NBAS: variants seen among roughly 807,000 people sequenced by gnomAD.
NBAS encodes the protein NBAS subunit of NRZ tethering complex, also known as NAG/BC035112 fusion.
Under a neutral mutation model 302.5 loss-of-function variants are expected in NBAS, and 219 were observed. That is an observed-to-expected ratio of 0.72 (90% CI 0.65 to 0.81). The LOEUF (loss-of-function observed/expected upper bound fraction) is 0.81. NBAS is among the 30% of genes least tolerant of loss of function. The pLI is 0.00. For missense variants in NBAS, 2,932 were observed against 2,841.6 expected, an observed-to-expected ratio of 1.03 and a Z score of -0.72; for synonymous variants, 1,118 against 1,021.6, an observed-to-expected ratio of 1.09 and a Z score of -1.80.
At chr2:15,224,766 T>C (rs540523512) in intron 47 of NBAS, among the ~76,000 whole-genome samples, 18 of 152,264 alleles carry the variant, frequency 1.2e-4, no homozygotes, top group African/African-American at 2.9e-4. Context: ...GGGAGGGGTA[T>C]ATACAAGCGA....
chr2:14,915,452 C>T, the NBAS span, among the ~76,000 whole-genome samples: 1 of 152,176 alleles, frequency 6.6e-6, no homozygotes, highest in East Asian at 1.9e-4. Flanking sequence ...CTTGTAGCTC[C>T]CATAATTCTC....
chr2:15,310,746 C>T lies in NBAS; in HGVS notation c.4583-1499G>A, dbSNP rs532536851. The stretch of plus-strand genomic sequence containing the variant: ...CCTCACCCATGCCTTCTCCTGGCTC[C>T]TTCTGCCTCTAAACCACCAGGATGC... On this transcript the variant is annotated intron_variant, in intron 38 of 51. Transcript: ENST00000281513. Among the ~76,000 whole-genome samples, 10 of 152,318 alleles carry T rather than the reference C, an allele frequency of 6.6e-5. 1 individual carries two copies. The South Asian group carries it at 1.9e-3, about 28-fold the overall frequency.
chr2:14,784,926 C>T, the NBAS span, among the ~76,000 whole-genome samples: 13 of 152,166 alleles, frequency 8.5e-5, no homozygotes, highest in African/African-American at 2.7e-4. Flanking sequence ...GCAATTTTCA[C>T]GATACTGATT....
At chr2:15,354,733 C>T (rs1290965135) in intron 33 of NBAS, among the ~76,000 whole-genome samples, 1 of 152,230 alleles carries the variant, frequency 6.6e-6, no homozygotes, top group Non-Finnish European at 1.5e-5. Flanking sequence ...CCTGAGCCCT[C>T]TTCTCAGCTA....
intron 32 of NBAS, among the ~76,000 whole-genome samples, chr2:15,365,081 C>T (rs1674134114): frequency 6.6e-6 from 1 of 152,198 alleles, no homozygotes; most frequent in African/African-American, 2.4e-5. Context: ...ATGTTGGCAG[C>T]ATAATTACTT....
the NBAS span, among the ~76,000 whole-genome samples, chr2:14,915,357 T>C: frequency 6.6e-6 from 1 of 152,186 alleles, no homozygotes; most frequent in Non-Finnish European, 1.5e-5. Context: ...GAATCCAGGC[T>C]CTGCTTCTCC....
chr2:15,072,113 T>C, the NBAS span, among the ~76,000 whole-genome samples: 2 of 152,246 alleles, frequency 1.3e-5, no homozygotes, highest in Non-Finnish European at 2.9e-5. Flanking sequence ...AGATATTTTC[T>C]CATTACTTTC....
the NBAS span, among the ~76,000 whole-genome samples, chr2:14,808,425 G>T: frequency 2.0e-5 from 3 of 152,168 alleles, no homozygotes; most frequent in Non-Finnish European, 4.4e-5. Context: ...GGACCTAGTG[G>T]GAAATCATTG....
chr2:14,804,095 T>A, the NBAS span, among the ~76,000 whole-genome samples: 1 of 152,224 alleles, frequency 6.6e-6, no homozygotes, highest in Non-Finnish European at 1.5e-5. Context: ...TAAAATGTAT[T>A]TGTAACCCTG....
chr2:14,835,900 A>G, the NBAS span, among the ~76,000 whole-genome samples: 7,957 of 152,060 alleles, frequency 0.052, 695 homozygotes, highest in African/African-American at 0.18. Context: ...AGTATATTCT[A>G]AAGTCACTGT....
chr2:14,892,680 T>G, the NBAS span, among the ~76,000 whole-genome samples: 8 of 152,170 alleles, frequency 5.3e-5, no homozygotes, highest in African/African-American at 1.9e-4. Flanking sequence ...CTTTTTTTTT[T>G]TCTTCTCTTT....
At chr2:14,935,697 G>A in the NBAS span, among the ~76,000 whole-genome samples, 4 of 152,116 alleles carry the variant, frequency 2.6e-5, no homozygotes, top group African/African-American at 9.7e-5. Flanking sequence ...CCATTTGCTG[G>A]AAATGTGTCT....
chr2:14,930,747 C>G, the NBAS span, among the ~76,000 whole-genome samples: 1 of 152,204 alleles, frequency 6.6e-6, no homozygotes, highest in East Asian at 1.9e-4. Flanking sequence ...AACAAACAGA[C>G]TCTAAAGGAC....
intron 44 of NBAS, among the ~76,000 whole-genome samples, chr2:15,264,587 C>A (rs1451547768): frequency 6.6e-6 from 1 of 152,190 alleles, no homozygotes; most frequent in Non-Finnish European, 1.5e-5. Context: ...TGGGCTTCTG[C>A]AGCCAAATTT....
Position 15,508,261 on chromosome 2 carries a change from C to T in NBAS, c.885+2951G>A, listed in dbSNP as rs533383544. On this transcript the variant is annotated intron_variant, in intron 10 of 51. Transcript: ENST00000281513. ...ATTTTCTTTTAAAAGACTTCAATACCGAAGCCTCAGGCCACAAGGAGATCA... is the reference window on the plus strand; with the variant it reads ...ATTTTCTTTTAAAAGACTTCAATACTGAAGCCTCAGGCCACAAGGAGATCA... Among the ~76,000 whole-genome samples, 95 of 152,244 alleles carry T rather than the reference C, an allele frequency of 6.2e-4. 2 individuals are homozygous for T. In the South Asian group the frequency reaches 0.019, roughly 31 times the overall value.
At chr2:15,046,900 C>T in the NBAS span, among the ~76,000 whole-genome samples, 1 of 152,150 alleles carries the variant, frequency 6.6e-6, no homozygotes, top group Admixed American at 6.5e-5. Context: ...GGCACAGAAT[C>T]ACAGCAAAAG....
chr2:14,780,788 A>G, the NBAS span, among the ~76,000 whole-genome samples: 85 of 152,334 alleles, frequency 5.6e-4, no homozygotes, highest in African/African-American at 2.0e-3. Context: ...CACTGTGATA[A>G]TCTGCTTATG....
intron 41 of NBAS, 60 bp from the exon 42 acceptor site, chr2:15,287,243 G>C (rs1670086578): frequency 2.9e-6 from 4 of 1,360,484 alleles, no homozygotes; most frequent in Non-Finnish European, 4.2e-6. Context: ...ACTTCAATCA[G>C]CAACGAAAAT....
At chr2:15,438,305 T>C (rs7557915) in intron 21 of NBAS, among the ~76,000 whole-genome samples, 122 of 152,248 alleles carry the variant, frequency 8.0e-4, no homozygotes, top group African/African-American at 2.8e-3. Flanking sequence ...TCATATGTTA[T>C]GGGAAAAGAC....
Sources: gnomAD v4.1 joint callset for allele counts (sites outside exome capture counted in the v4.1 genomes callset) on GRCh38, gnomAD v4.1.1 for gene constraint, MANE v1.5 for transcripts, NCBI Gene and HGNC (gene_info 2026-07-23, HGNC 2026-07-21) for gene names.